Variants in CYFIP1 observed in about 807,000 individuals in gnomAD.
The protein encoded by CYFIP1 is cytoplasmic FMR1-interacting protein 1.
In CYFIP1, 58 loss-of-function variants were observed where a neutral mutation model predicts 163.5. That is an observed-to-expected ratio of 0.35 (90% confidence interval 0.29 to 0.44). The LOEUF is 0.44. Ranked by LOEUF, CYFIP1 falls within the 20% of genes least tolerant of loss-of-function variation. The probability of loss-of-function intolerance (pLI) is 1.00; values close to 1 mark genes in which losing one functional copy is unlikely to be tolerated. For synonymous variants in CYFIP1, 663 were observed against 660.7 expected, an observed-to-expected ratio of 1.00 and a Z score of -0.05; for missense variants, 1,338 against 1,653.8, an observed-to-expected ratio of 0.81 and a Z score of 3.31.
intron 1 of CYFIP1, among the ~76,000 whole-genome samples, chr15:22,947,602 A>C (rs2062103862): frequency 6.6e-6 from 1 of 151,960 alleles, no homozygotes; most frequent in African/African-American, 2.4e-5. Flanking sequence ...CGCCGTCCTG[A>C]GTTGCTGGTG....
At chr15:22,912,142 A>G in intron 18 of CYFIP1, 37 bp downstream of exon 18, 1 of 1,527,326 alleles carries the variant, frequency 6.5e-7, no homozygotes, top group Middle Eastern at 1.7e-4. Flanking sequence ...GATTTAATTG[A>G]AGGAAATGAA....
chr15:22,975,795 G>A (rs578075738), intron 1 of CYFIP1, among the ~76,000 whole-genome samples: 5 of 152,246 alleles, frequency 3.3e-5, no homozygotes, highest in African/African-American at 9.6e-5. Context: ...ACTGCACAGG[G>A]GGTTGGAATC....
intron 22 of CYFIP1, among the ~76,000 whole-genome samples, chr15:22,894,510 G>A (rs1298260324): frequency 6.6e-6 from 1 of 151,186 alleles, no homozygotes. Flanking sequence ...GGCTGGTCTT[G>A]AACTCCTGAC....
intron 1 of CYFIP1, among the ~76,000 whole-genome samples, chr15:22,959,581 G>C (rs970181681): frequency 1.3e-5 from 2 of 152,178 alleles, no homozygotes; most frequent in African/African-American, 2.4e-5. Context: ...GCATGACCTC[G>C]GGCGCTTGAC....
Position 22,933,816 on chromosome 15 carries a change from C to T in CYFIP1, c.978G>A (p.Glu326=). 6.2e-7 allele frequency: 1 copy of T among 1,612,886 alleles called. No homozygotes were observed. The highest frequency in any genetic ancestry group is 2.2e-5 in the East Asian group (1 of 44,832). Residue 326 remains glutamate (E), a synonymous_variant, in exon 10 of 31, where the codon GAG becomes GAA. Transcript: ENST00000617928. ...TCTCCTCCTACCGAGATTTATTTTC[C>T]TCGTAGTGGGCGCTGGTCTTGATAT... ...ARYIKTSAHY[E]ENKSRWTCTS...
At chr15:22,929,504 C>T (rs34683651) in intron 11 of CYFIP1, among the ~76,000 whole-genome samples, 15,240 of 150,578 alleles carry the variant, frequency 0.1, 1,049 homozygotes, top group Non-Finnish European at 0.14. Flanking sequence ...TGGTGGCGTG[C>T]GCCTGTAGTC....
chr15:22,949,278 G>A (rs1465123189), intron 1 of CYFIP1, among the ~76,000 whole-genome samples: 2 of 81,486 alleles, frequency 2.5e-5, no homozygotes, highest in South Asian at 6.2e-4. Flanking sequence ...AGCCTAAAGC[G>A]GGGACCAGGC....
intron 11 of CYFIP1, among the ~76,000 whole-genome samples, chr15:22,931,689 A>G (rs1025466951): frequency 7.1e-6 from 1 of 140,434 alleles, no homozygotes; most frequent in African/African-American, 2.9e-5. Flanking sequence ...TTTTTCTGAA[A>G]AAAAAAAAAA....
chr15:22,879,380 C>T (rs575091653), intron 26 of CYFIP1, among the ~76,000 whole-genome samples: 10 of 152,238 alleles, frequency 6.6e-5, no homozygotes, highest in African/African-American at 2.4e-4. Context: ...GGCGGCCAGT[C>T]GAAAACACGA....
chr15:22,871,507 G>A (rs2059432305), intron 30 of CYFIP1, among the ~76,000 whole-genome samples: 1 of 152,320 alleles, frequency 6.6e-6, no homozygotes, highest in African/African-American at 2.4e-5. Flanking sequence ...CGGAAATGGA[G>A]GAGTGGGAGG....
chr15:22,876,609 G>A (rs909605105), intron 26 of CYFIP1, among the ~76,000 whole-genome samples: 14 of 152,036 alleles, frequency 9.2e-5, no homozygotes, highest in African/African-American at 3.4e-4. Flanking sequence ...TTGGGAGGGC[G>A]AGGCGGGAGG....
chr15:22,925,900 T>C, intron 13 of CYFIP1, 82 bp downstream of exon 13: 1 of 1,571,002 alleles, frequency 6.4e-7, no homozygotes, highest in East Asian at 2.3e-5. Context: ...CAGGCAGTTT[T>C]GTTCATGTTT....
At chr15:22,960,665 T>C (rs1478278402) in intron 1 of CYFIP1, among the ~76,000 whole-genome samples, 1 of 152,208 alleles carries the variant, frequency 6.6e-6, no homozygotes, top group Admixed American at 6.5e-5. Flanking sequence ...ATCCAGAACA[T>C]GTGAAGGAAA....
intron 22 of CYFIP1, among the ~76,000 whole-genome samples, chr15:22,895,045 T>C (rs2028796): frequency 0.36 from 52,972 of 148,416 alleles, 9,785 homozygotes; most frequent in South Asian, 0.4. Context: ...GACAGAGTCT[T>C]GCTCTGTCGC....
Position 22,964,355 on chromosome 15 carries a change from A to ACT in CYFIP1, c.-7+15931_-7+15932insAG, listed in dbSNP as rs1390869481. ...AGCAGACTCCGCAACCTCATCACTC[A>ACT]CACACACACACACACACACACACAC... On this transcript the variant is annotated intron_variant, in intron 1 of 30. Transcript: ENST00000617928. Among the ~76,000 whole-genome samples the ACT allele has an allele frequency of 9.4e-4, 36 of 38,182 alleles. No individual in the cohort carries two copies. The East Asian group carries it at 0.021, about 22-fold the overall frequency. The allele number at this position is 38,182 out of a possible 152,430, so 25.0% of individuals were successfully genotyped here. A position where few individuals can be genotyped will look rare whatever the true frequency, so the allele number is the denominator to read the frequency against.
chr15:22,944,815 G>A (rs780707683), intron 4 of CYFIP1, 47 bp downstream of exon 4: 2 of 1,589,808 alleles, frequency 1.3e-6, no homozygotes, highest in South Asian at 1.1e-5. Flanking sequence ...TGTGGCAGGG[G>A]CCTGGCAGGG....
At chr15:22,962,592 C>T (rs973357654) in intron 1 of CYFIP1, among the ~76,000 whole-genome samples, 6 of 151,626 alleles carry the variant, frequency 4.0e-5, no homozygotes, top group Non-Finnish European at 8.8e-5. Context: ...TTAGTAGAGA[C>T]AGGATTTCTC....
Position 22,932,285 on chromosome 15 carries a change from T to G in CYFIP1, c.1048A>C (p.Ile350Leu). The G allele has an allele frequency of 6.2e-7, 1 of 1,613,026 alleles. No individual in the cohort carries two copies. The highest frequency in any genetic ancestry group is 8.5e-7 in the Non-Finnish European group (1 of 1,179,598). Residue 350 changes from isoleucine (I) to leucine (L), a missense_variant, in exon 11 of 31, where the codon ATC (isoleucine) becomes CTC (leucine). Coordinates refer to ENST00000617928, the MANE Select transcript of CYFIP1 (RefSeq NM_014608.6). Reference sequence around the variant, plus strand: ...CGCATGTGGTCCTCGCGGATCTGGATCATCTGCTCGCAGATGTTGTACTGA... The same window carrying G: ...CGCATGTGGTCCTCGCGGATCTGGAGCATCTGCTCGCAGATGTTGTACTGA... ...SPQYNICEQM[I>L]QIREDHMRFI...
At chr15:22,921,784 A>ATAC (rs1555409978) in intron 13 of CYFIP1, among the ~76,000 whole-genome samples, 1 of 142,228 alleles carries the variant, frequency 7.0e-6, no homozygotes, top group Non-Finnish European at 1.5e-5. Context: ...AAAAAAAAAA[A>ATAC]AGAAGCACGA....
Sources: gnomAD v4.1 joint callset for allele counts (sites outside exome capture counted in the v4.1 genomes callset) on GRCh38, gnomAD v4.1.1 for gene constraint, MANE v1.5 for transcripts, NCBI Gene and HGNC (gene_info 2026-07-23, HGNC 2026-07-21) for gene names.